OXSR1: variants seen among roughly 807,000 people sequenced by gnomAD.
OXSR1 encodes the protein oxidative stress responsive kinase 1.
OXSR1 carries 24 observed loss-of-function variants against 79.8 expected under a neutral mutation model. That is an observed-to-expected ratio of 0.30 (90% CI 0.22 to 0.42). OXSR1 has a LOEUF of 0.42. Among genes scored for constraint, OXSR1 ranks in the 10% least tolerant of loss-of-function variants. The probability of loss-of-function intolerance (pLI) is 1.00; values close to 1 mark genes in which losing one functional copy is unlikely to be tolerated. For missense variants in OXSR1, 430 were observed against 618.4 expected (o/e 0.70, Z 3.23); for synonymous variants, 226 against 209.2 (o/e 1.08, Z -0.69).
chr3:38,231,781 A>C (rs1047341134), intron 10 of OXSR1, among the ~76,000 whole-genome samples: 1 of 152,206 alleles, frequency 6.6e-6, no homozygotes, highest in African/African-American at 2.4e-5. Context: ...CATCTGAGAT[A>C]CGTGTTGATT....
Position 38,216,076 on chromosome 3 carries a change from C to CTTTTT in OXSR1, c.435-9_435-5dup. ...AGAATAGATGTTTTTTGATACATAA[C>CTTTTT]TTTTTTTTTTTTTTTAAAGAGATGT... On this transcript the variant is annotated intron_variant, in intron 4 of 17. Transcript: ENST00000311806. The CTTTTT allele has an allele frequency of 7.9e-7, 1 of 1,269,340 alleles. No homozygotes were observed. Among genetic ancestry groups the CTTTTT allele is most frequent in the Non-Finnish European group, 1.1e-6 (1 of 912,322 alleles). The allele number at this position is 1,269,340 out of a possible 1,614,324, so 78.6% of individuals were successfully genotyped here.
chr3:38,200,105 G>A (rs1559509280), intron 4 of OXSR1, among the ~76,000 whole-genome samples: 1 of 152,176 alleles, frequency 6.6e-6, no homozygotes, highest in Non-Finnish European at 1.5e-5. Context: ...ATATGGGGGA[G>A]GGGATGAAGT....
intron 1 of OXSR1, among the ~76,000 whole-genome samples, chr3:38,175,079 T>G (rs1444530903): frequency 6.6e-6 from 1 of 152,218 alleles, no homozygotes; most frequent in Non-Finnish European, 1.5e-5. Flanking sequence ...TTATGTTTTG[T>G]GTGGTTCAGG....
At position 38,253,836 on chromosome 3, in the gene OXSR1, A is replaced by G. The variant is rs1240084293; in HGVS notation, c.*945A>G. 2.6e-5 allele frequency: 6 copies of G among 226,690 alleles called. No individual in the cohort carries two copies. Among genetic ancestry groups the G allele is most frequent in the Non-Finnish European group, 5.1e-5 (6 of 117,152 alleles). The allele number at this position is 226,690 out of a possible 1,614,324, so 14.0% of individuals were successfully genotyped here. A position where few individuals can be genotyped will look rare whatever the true frequency, so the allele number is the denominator to read the frequency against. The stretch of plus-strand genomic sequence containing the variant: ...TGAGATTTCTACAGCAATAAAGGAG[A>G]CACACACTGGGCCAGAGAGGCCTGC... On this transcript the variant is annotated 3_prime_UTR_variant, in exon 18 of 18. Transcript: ENST00000311806.
intron 1 of OXSR1, among the ~76,000 whole-genome samples, chr3:38,173,689 A>G (rs1575305623): frequency 6.6e-6 from 1 of 152,204 alleles, no homozygotes; most frequent in Non-Finnish European, 1.5e-5. Flanking sequence ...TGCCCCAAAC[A>G]AGATTTTTTT....
At chr3:38,223,780 G>A in intron 6 of OXSR1, 32 bp from the exon 7 acceptor site, 1 of 1,501,484 alleles carries the variant, frequency 6.7e-7, no homozygotes, top group Non-Finnish European at 9.3e-7. Flanking sequence ...CTTTTATGCT[G>A]GTAAAAATAA....
chr3:38,178,560 T>C (rs1480143955), intron 1 of OXSR1, among the ~76,000 whole-genome samples: 3 of 147,334 alleles, frequency 2.0e-5, no homozygotes, highest in African/African-American at 7.5e-5. Flanking sequence ...TGCCTCAGCC[T>C]CCCAAGTAGC....
chr3:38,224,857 G>A (rs974096419), intron 8 of OXSR1, 153 bp downstream of exon 8: 10 of 540,502 alleles, frequency 1.9e-5, no homozygotes, highest in Non-Finnish European at 2.9e-5. Flanking sequence ...GATTGGAAAT[G>A]AATTGATTTC....
At chr3:38,200,875 G>T (rs78261650) in intron 4 of OXSR1, among the ~76,000 whole-genome samples, 1 of 152,102 alleles carries the variant, frequency 6.6e-6, no homozygotes, top group Non-Finnish European at 1.5e-5. Context: ...TGATTTATGC[G>T]TCTATTAGCA....
Position 38,165,965 on chromosome 3 carries a change from G to A in OXSR1, c.70+19G>A. On this transcript the variant is annotated intron_variant, in intron 1 of 17. Transcript: ENST00000311806. ...GTGATCGGTGAGAGCAGGCGCTGCG[G>A]AGGGGGGAGGCGCGGCGCTGGGAGG... The A allele has an allele frequency of 2.5e-6, 4 of 1,604,282 alleles. No homozygotes were observed. The East Asian group carries it at 8.9e-5, about 36-fold the overall frequency.
intron 15 of OXSR1, chr3:38,250,225 A>G: frequency 1.9e-6 from 1 of 531,226 alleles, no homozygotes; most frequent in Middle Eastern, 5.0e-4. Flanking sequence ...TACAAACAGT[A>G]ATAAATATAT....
chr3:38,224,744 A>G (rs1702656712), intron 8 of OXSR1, 40 bp downstream of exon 8: 1 of 1,379,788 alleles, frequency 7.2e-7, no homozygotes, highest in East Asian at 2.4e-5. Flanking sequence ...CTCTAATAAA[A>G]CATTGTGAGA....
At chr3:38,251,368 C>G in intron 15 of OXSR1, 35 bp from the exon 16 acceptor site, 1 of 1,586,146 alleles carries the variant, frequency 6.3e-7, no homozygotes, top group Non-Finnish European at 8.7e-7. Flanking sequence ...CAAGCACGCA[C>G]AAAAAACAGA....
Position 38,183,130 on chromosome 3 carries a change from T to A in OXSR1, c.183+15T>A. On this transcript the variant is annotated intron_variant, in intron 2 of 17. Coordinates refer to ENST00000311806, the MANE Select transcript of OXSR1 (RefSeq NM_005109.3). Reference sequence around the variant, plus strand: ...ATGAACTCCTGGTATGCACATCTTATACTTCTGAAATGGAGAGATATACTC... The same window carrying A: ...ATGAACTCCTGGTATGCACATCTTAAACTTCTGAAATGGAGAGATATACTC... The A allele has an allele frequency of 7.3e-7, 1 of 1,370,862 alleles. No homozygotes were observed. Among genetic ancestry groups the A allele is most frequent in the East Asian group, 2.3e-5 (1 of 43,248 alleles). The allele number at this position is 1,370,862 out of a possible 1,614,324, so 84.9% of individuals were successfully genotyped here.
chr3:38,225,448 A>C (rs952842603), intron 8 of OXSR1, among the ~76,000 whole-genome samples: 1 of 152,152 alleles, frequency 6.6e-6, no homozygotes, highest in African/African-American at 2.4e-5. Context: ...TAAAAGGGAA[A>C]GACTTTGATG....
At chr3:38,241,446 T>C (rs1703032167) in intron 11 of OXSR1, among the ~76,000 whole-genome samples, 1 of 152,156 alleles carries the variant, frequency 6.6e-6, no homozygotes, top group Non-Finnish European at 1.5e-5. Flanking sequence ...ATTTACGCTA[T>C]AAATTAGATA....
At position 38,224,719 on chromosome 3, in the gene OXSR1, A is replaced by G. The variant is rs777114930; in HGVS notation, c.836+15A>G. On this transcript the variant is annotated intron_variant, in intron 8 of 17. Coordinates refer to ENST00000311806, the MANE Select transcript of OXSR1 (RefSeq NM_005109.3). The stretch of plus-strand genomic sequence containing the variant: ...CCAGAAAAAAGGTAAAATATGAGAA[A>G]AAGTCTACTTTTCTCTCTAATAAAA... 15 of 1,512,210 alleles carry G rather than the reference A, an allele frequency of 9.9e-6. No individual in the cohort carries two copies. The Admixed American group carries it at 1.5e-4, about 15-fold the overall frequency. 93.7% of individuals were successfully genotyped at this position (1,512,210 alleles called of 1,614,324 possible). A position where few individuals can be genotyped will look rare whatever the true frequency, so the allele number is the denominator to read the frequency against.
intron 8 of OXSR1, among the ~76,000 whole-genome samples, chr3:38,228,394 GT>G (rs965300158): frequency 1.3e-5 from 2 of 152,186 alleles, no homozygotes; most frequent in African/African-American, 4.8e-5. Flanking sequence ...TAGGATTTCA[GT>G]TTGCATAGCA....
chr3:38,175,518 C>T (rs185951452), intron 1 of OXSR1, among the ~76,000 whole-genome samples: 278 of 152,302 alleles, frequency 1.8e-3, no homozygotes, highest in Non-Finnish European at 3.2e-3. Flanking sequence ...CCAGGCTGGT[C>T]TCAAACTTGT....
Sources: gnomAD v4.1 joint callset for allele counts (sites outside exome capture counted in the v4.1 genomes callset) on GRCh38, gnomAD v4.1.1 for gene constraint, MANE v1.5 for transcripts, NCBI Gene and HGNC (gene_info 2026-07-23, HGNC 2026-07-21) for gene names.